The following TMEM17 variants were observed in gnomAD, a reference collection of about 807,000 sequenced individuals.
TMEM17 encodes transmembrane protein 17.
Under a neutral mutation model 19.1 loss-of-function variants are expected in TMEM17, and 15 were observed. That is an observed-to-expected ratio of 0.78 (90% CI 0.52 to 1.21). TMEM17 has a LOEUF of 1.21. Among genes scored for constraint, TMEM17 ranks in the 50% most tolerant of loss-of-function variants. TMEM17 has a pLI of 0.00. For synonymous variants in TMEM17, 103 were observed against 86.9 expected (o/e 1.19, Z -1.03); for missense variants, 245 against 242.3 (o/e 1.01, Z -0.07).
chr2:62,472,660 C>T, the TMEM17 span, among the ~76,000 whole-genome samples: 1 of 152,198 alleles, frequency 6.6e-6, no homozygotes, highest in East Asian at 1.9e-4. Flanking sequence ...AGGGGATCTC[C>T]TCAGTATTAT....
the TMEM17 span, among the ~76,000 whole-genome samples, chr2:62,469,756 G>A: frequency 6.6e-6 from 1 of 152,216 alleles, no homozygotes. Context: ...GTGCAAGGAG[G>A]CCCAGGTGGC....
the TMEM17 span, among the ~76,000 whole-genome samples, chr2:62,475,097 G>C: frequency 6.6e-6 from 1 of 152,194 alleles, no homozygotes; most frequent in African/African-American, 2.4e-5. Context: ...ACACTGCCTA[G>C]GGTTTAGGAT....
chr2:62,482,910 A>C, the TMEM17 span, among the ~76,000 whole-genome samples: 1 of 152,182 alleles, frequency 6.6e-6, no homozygotes, highest in Non-Finnish European at 1.5e-5. Flanking sequence ...AGACTAATAA[A>C]CAAATTGGTA....
chr2:62,493,899 AT>A, the TMEM17 span, among the ~76,000 whole-genome samples: 1 of 152,178 alleles, frequency 6.6e-6, no homozygotes, highest in South Asian at 2.1e-4. Flanking sequence ...CACACCTTAT[AT>A]TTTAATGACA....
At position 62,502,678 on chromosome 2, in the gene TMEM17, A is replaced by G. The variant is rs774411267; in HGVS notation, c.204+13T>C. ...AACGTCAGGGCAGCAAAAGTATTAA[A>G]GCTTAGATTTACCTTCATGTGAAGC... On this transcript the variant is annotated intron_variant, in intron 2 of 3. Transcript: ENST00000335390. 6.4e-7 allele frequency: 1 copy of G among 1,574,488 alleles called. No homozygotes were observed. The highest frequency in any genetic ancestry group is 1.9e-5 in the Admixed American group (1 of 51,936).
At chr2:62,505,861 C>T (rs574365853) in intron 1 of TMEM17, among the ~76,000 whole-genome samples, 169 bp downstream of exon 1, 2 of 152,374 alleles carry the variant, frequency 1.3e-5, no homozygotes, top group African/African-American at 4.8e-5. Flanking sequence ...CCGCCAGCGC[C>T]TCAGCTCCCT....
chr2:62,476,163 C>T, the TMEM17 span, among the ~76,000 whole-genome samples: 1 of 152,142 alleles, frequency 6.6e-6, no homozygotes, highest in East Asian at 1.9e-4. Flanking sequence ...GCAGTTGTAT[C>T]CATTTTCTTG....
chr2:62,464,447 C>A, the TMEM17 span, among the ~76,000 whole-genome samples: 1 of 152,206 alleles, frequency 6.6e-6, no homozygotes, highest in South Asian at 2.1e-4. Context: ...AAACAAGGCA[C>A]CCCTGTCACG....
At chr2:62,482,738 A>C in the TMEM17 span, among the ~76,000 whole-genome samples, 2 of 152,138 alleles carry the variant, frequency 1.3e-5, no homozygotes, top group Non-Finnish European at 2.9e-5. Context: ...CAACATGTCG[A>C]GCACGCTCAT....
the TMEM17 span, among the ~76,000 whole-genome samples, chr2:62,455,426 C>T: frequency 6.6e-6 from 1 of 152,190 alleles, no homozygotes; most frequent in East Asian, 1.9e-4. Flanking sequence ...AGCTTCTGTT[C>T]TTATATGCAC....
chr2:62,458,503 A>G, the TMEM17 span, among the ~76,000 whole-genome samples: 1 of 152,292 alleles, frequency 6.6e-6, no homozygotes, highest in Admixed American at 6.5e-5. Context: ...TGGGAAAGTC[A>G]CTTCACCTCT....
At chr2:62,504,765 G>A (rs770325818) in intron 1 of TMEM17, among the ~76,000 whole-genome samples, 1 of 152,110 alleles carries the variant, frequency 6.6e-6, no homozygotes, top group Non-Finnish European at 1.5e-5. Context: ...GTTTTTTCAC[G>A]TTTAAATGGT....
the TMEM17 span, among the ~76,000 whole-genome samples, chr2:62,462,040 G>C: frequency 6.6e-6 from 1 of 152,262 alleles, no homozygotes; most frequent in Admixed American, 6.5e-5. Context: ...GAAGTCTGCA[G>C]CTGGCCCCTG....
the TMEM17 span, among the ~76,000 whole-genome samples, chr2:62,488,506 A>C: frequency 1.6e-4 from 24 of 152,006 alleles, no homozygotes; most frequent in East Asian, 4.6e-3. Context: ...AAAAAAAAAA[A>C]AAACTTAGAG....
At chr2:62,496,820 G>A (rs1257122673), downstream of TMEM17, among the ~76,000 whole-genome samples, 1 of 152,180 alleles carries the variant, frequency 6.6e-6, no homozygotes, top group African/African-American at 2.4e-5. Context: ...TCTAATGGCT[G>A]GGTGTGGTGG....
chr2:62,466,602 C>T, the TMEM17 span, among the ~76,000 whole-genome samples: 9 of 152,152 alleles, frequency 5.9e-5, no homozygotes, highest in African/African-American at 9.7e-5. Flanking sequence ...TGTGCAGATG[C>T]CACCCTCCCT....
rs1435100175 is a variant in TMEM17, at chr2:62,500,660, A to T, written c.*549T>A. 3.3e-5 allele frequency: 5 copies of T among 149,904 alleles called. No individual in the cohort carries two copies. The highest frequency in any genetic ancestry group is 1.2e-4 in the African/African-American group (5 of 40,474). 9.3% of individuals were successfully genotyped at this position (149,904 alleles called of 1,614,324 possible). ...AGTAGAGGCTGGGTTTCACCGTGTTAGCCAGGATGGTCTCGATCTTCTGAC... is the reference window on the plus strand; with the variant it reads ...AGTAGAGGCTGGGTTTCACCGTGTTTGCCAGGATGGTCTCGATCTTCTGAC... On this transcript the variant is annotated 3_prime_UTR_variant, in exon 4 of 4. Coordinates refer to ENST00000335390, the MANE Select transcript of TMEM17 (RefSeq NM_198276.3).
the TMEM17 span, among the ~76,000 whole-genome samples, chr2:62,468,179 T>A: frequency 6.6e-6 from 1 of 152,076 alleles, no homozygotes; most frequent in Non-Finnish European, 1.5e-5. Context: ...GTCCTGGTGC[T>A]CTTCCACGTG....
chr2:62,498,442 C>A (rs1318169882), downstream of TMEM17, among the ~76,000 whole-genome samples: 1 of 149,438 alleles, frequency 6.7e-6, no homozygotes, highest in Non-Finnish European at 1.5e-5. Context: ...TTTGGCCGGG[C>A]GCGGTGGCTC....
Sources: allele counts gnomAD v4.1 joint callset (sites outside exome capture counted in the v4.1 genomes callset), GRCh38; gene constraint gnomAD v4.1.1; transcripts MANE v1.5; gene names NCBI Gene and HGNC (gene_info 2026-07-23, HGNC 2026-07-21).